NINL: variants seen among roughly 807,000 people sequenced by gnomAD.
NINL encodes ninein like.
Under a neutral mutation model 160.3 loss-of-function variants are expected in NINL, and 153 were observed. That is an observed-to-expected ratio of 0.95 (90% CI 0.84 to 1.09). The LOEUF (loss-of-function observed/expected upper bound fraction) is 1.09. Ranked by LOEUF, NINL falls within the 50% of genes least tolerant of loss-of-function variation. NINL has a pLI of 0.00. For missense variants in NINL, 1,829 were observed against 1,764.0 expected (o/e 1.04, Z -0.66); for synonymous variants, 800 against 734.8 (o/e 1.09, Z -1.43).
At chr20:25,481,425 G>A (rs1014779263) in intron 14 of NINL, among the ~76,000 whole-genome samples, 1 of 152,184 alleles carries the variant, frequency 6.6e-6, no homozygotes, top group Non-Finnish European at 1.5e-5. Context: ...ACTTCGATGT[G>A]GGTTCCGGGG....
chr20:25,573,171 C>T (rs6037145), intron 1 of NINL, among the ~76,000 whole-genome samples: 133,659 of 151,448 alleles, frequency 0.88, 59,954 homozygotes, highest in Non-Finnish European at 0.96. Flanking sequence ...GTGGCACATG[C>T]CTGTAGTGCC....
At chr20:25,527,735 C>T (rs1469578926) in intron 1 of NINL, among the ~76,000 whole-genome samples, 1 of 152,112 alleles carries the variant, frequency 6.6e-6, no homozygotes, top group Non-Finnish European at 1.5e-5. Context: ...TCCTGGATGC[C>T]TCTTGTAAGC....
At chr20:25,553,104 G>GTTT (rs3036846) in intron 1 of NINL, among the ~76,000 whole-genome samples, 4 of 100,114 alleles carry the variant, frequency 4.0e-5, no homozygotes, top group African/African-American at 7.8e-5. Flanking sequence ...CCCTTGTTGG[G>GTTT]TTTTTTTTTT....
chr20:25,496,640 C>T (rs901714732), intron 10 of NINL, 23 bp downstream of exon 10: 3 of 1,602,946 alleles, frequency 1.9e-6, no homozygotes, highest in East Asian at 2.2e-5. Context: ...GGTAAGAATC[C>T]ACCACCTGGG....
intron 5 of NINL, among the ~76,000 whole-genome samples, chr20:25,508,900 C>T (rs1225394909): frequency 6.6e-6 from 1 of 152,232 alleles, no homozygotes; most frequent in Non-Finnish European, 1.5e-5. Flanking sequence ...CTTCCTCTTT[C>T]CTGAAGCACA....
chr20:25,568,969 C>CT (rs1477676609), intron 1 of NINL, among the ~76,000 whole-genome samples: 8 of 151,362 alleles, frequency 5.3e-5, no homozygotes, highest in Non-Finnish European at 1.0e-4. Context: ...GTGGCTCACA[C>CT]CTGTAATCCC....
At chr20:25,484,092 G>C (rs2063457186) in intron 13 of NINL, among the ~76,000 whole-genome samples, 1 of 152,204 alleles carries the variant, frequency 6.6e-6, no homozygotes, top group South Asian at 2.1e-4. Flanking sequence ...GGAGAAGGGA[G>C]GCCCCAGCCC....
At chr20:25,497,787 G>T (rs910184605) in intron 9 of NINL, among the ~76,000 whole-genome samples, 1 of 152,192 alleles carries the variant, frequency 6.6e-6, no homozygotes, top group African/African-American at 2.4e-5. Flanking sequence ...GCTGGCAAGC[G>T]CCTGCACCAG....
chr20:25,575,343 A>G (rs2065102411), intron 1 of NINL, among the ~76,000 whole-genome samples: 1 of 149,494 alleles, frequency 6.7e-6, no homozygotes, highest in Non-Finnish European at 1.5e-5. Context: ...GCTACTCCAG[A>G]GGTTGAGGCA....
Position 25,501,019 on chromosome 20 carries a change from CAGGA to C in NINL, c.862-13_862-10del. On this transcript the variant is annotated splice_polypyrimidine_tract_variant and intron_variant, in intron 7 of 23. Coordinates refer to ENST00000278886, the MANE Select transcript of NINL (RefSeq NM_025176.6). ...CCGCTCTCCTCTGGGACCTGCATGTCAGGAAGACTTCCATAGCGCCCAGCGTCCA... is the reference window on the plus strand; with the variant it reads ...CCGCTCTCCTCTGGGACCTGCATGTCAGACTTCCATAGCGCCCAGCGTCCA... The C allele has an allele frequency of 6.2e-7, 1 of 1,613,108 alleles. No homozygotes were observed.
At position 25,476,232 on chromosome 20, in the gene NINL, C is replaced by A; in HGVS notation, c.3059G>T (p.Gly1020Val). The part of the protein sequence containing the change: ...HKHSVEVARR[G>V]SLPSHLQLAD... The stretch of plus-strand genomic sequence containing the variant: ...GAGCTGGAGGTGGGATGGCAAGGAC[C>A]CTCTCCTGGCAACCTCCACACTGTG... The change falls in exon 17 of 24, where the codon GGG becomes GTG. Residue 1020 changes from glycine (G) to valine (V), a missense_variant. Physicochemically the swap from Gly to Val is moderately radical, Grantham distance 109. Coordinates refer to ENST00000278886, the MANE Select transcript of NINL (RefSeq NM_025176.6). 6.2e-7 allele frequency: 1 copy of A among 1,614,044 alleles called. No homozygotes were observed. Among genetic ancestry groups the A allele is most frequent in the Non-Finnish European group, 8.5e-7 (1 of 1,179,996 alleles).
rs530752306 is a variant in NINL at position 25,569,907 on chromosome 20, G to A, written c.-12+15548C>T. On this transcript the variant is annotated intron_variant, in intron 1 of 23. Transcript: ENST00000278886. ...TCTGTCAAAGCTAGGTACTGCAGCC[G>A]GGCGTGGTGGCTCACACTTGTAATC... Among the ~76,000 whole-genome samples the A allele has an allele frequency of 1.2e-3, 184 of 152,244 alleles. 1 individual carries two copies. The highest frequency in any genetic ancestry group is 2.3e-3 in the Non-Finnish European group (154 of 68,004).
chr20:25,551,140 G>A (rs2064803188), intron 1 of NINL, among the ~76,000 whole-genome samples: 1 of 151,962 alleles, frequency 6.6e-6, no homozygotes, highest in Non-Finnish European at 1.5e-5. Flanking sequence ...ATCTTGCACA[G>A]CCCTAAATCC....
chr20:25,561,369 T>C (rs77368389), intron 1 of NINL, among the ~76,000 whole-genome samples: 1 of 152,152 alleles, frequency 6.6e-6, no homozygotes, highest in Non-Finnish European at 1.5e-5. Context: ...AGTGCAGTGG[T>C]GTGATCTCGG....
intron 1 of NINL, among the ~76,000 whole-genome samples, chr20:25,559,650 G>A (rs1439207434): frequency 2.0e-5 from 3 of 152,168 alleles, no homozygotes; most frequent in Non-Finnish European, 4.4e-5. Flanking sequence ...ATCCAGGCTG[G>A]AGTGCAATGG....
chr20:25,462,353 G>GGGGATCC, intron 20 of NINL, 30 bp downstream of exon 20: 1 of 1,605,614 alleles, frequency 6.2e-7, no homozygotes. Context: ...CCAGCCTCCA[G>GGGGATCC]CTCAGCTCCC....
At chr20:25,527,115 T>C (rs1410503097) in intron 1 of NINL, among the ~76,000 whole-genome samples, 1 of 151,984 alleles carries the variant, frequency 6.6e-6, no homozygotes, top group African/African-American at 2.4e-5. Context: ...CACTACCATA[T>C]AAAAACACTA....
At chr20:25,485,392 T>C (rs1323016505) in intron 13 of NINL, among the ~76,000 whole-genome samples, 2 of 152,258 alleles carry the variant, frequency 1.3e-5, no homozygotes, top group Non-Finnish European at 2.9e-5. Context: ...TGCAAATCCT[T>C]GAACTCTGCA....
chr20:25,528,483 G>A (rs2064396213), intron 1 of NINL, among the ~76,000 whole-genome samples: 1 of 151,990 alleles, frequency 6.6e-6, no homozygotes, highest in Non-Finnish European at 1.5e-5. Context: ...GGAAGCTTCT[G>A]CAACTTTCTG....
Sources: gnomAD v4.1 joint callset for allele counts (sites outside exome capture counted in the v4.1 genomes callset) on GRCh38, gnomAD v4.1.1 for gene constraint, MANE v1.5 for transcripts, NCBI Gene and HGNC (gene_info 2026-07-23, HGNC 2026-07-21) for gene names.